Variants in NEMP2 observed in about 807,000 individuals in gnomAD.
NEMP2 encodes nuclear envelope integral membrane protein 2.
In NEMP2, 53 loss-of-function variants were observed where a neutral mutation model predicts 54.2. The ratio of observed to expected loss-of-function variants is 0.98; its 90% CI spans 0.78 to 1.23. The LOEUF (loss-of-function observed/expected upper bound fraction) is 1.23. Ranked by LOEUF, NEMP2 falls within the 50% of genes most tolerant of loss-of-function variation. The probability of loss-of-function intolerance (pLI) is 0.00; values close to 1 mark genes in which losing one functional copy is unlikely to be tolerated. For synonymous variants in NEMP2, 197 were observed against 190.3 expected (o/e 1.04, Z -0.29); for missense variants, 455 against 511.3 (o/e 0.89, Z 1.06).
the NEMP2 span, among the ~76,000 whole-genome samples, chr2:190,595,545 A>G: frequency 6.6e-6 from 1 of 152,206 alleles, no homozygotes; most frequent in Non-Finnish European, 1.5e-5. The surrounding 1 kb of genome is among the most constrained non-coding windows in gnomAD (Gnocchi z 4.0). Flanking sequence ...AAAGAACTTA[A>G]ACAAATTTAC....
the NEMP2 span, among the ~76,000 whole-genome samples, chr2:190,427,272 C>A: frequency 6.6e-6 from 1 of 152,184 alleles, no homozygotes; most frequent in African/African-American, 2.4e-5. Flanking sequence ...TTCTCTGATC[C>A]CACCTTAGTT....
the NEMP2 span, among the ~76,000 whole-genome samples, chr2:190,434,170 G>C: frequency 7.5e-6 from 1 of 132,640 alleles, no homozygotes; most frequent in Non-Finnish European, 1.6e-5. The surrounding 1 kb of genome is among the most constrained non-coding windows in gnomAD (Gnocchi z 4.3). Context: ...GACAGAGTAA[G>C]ACCCTGTCTC....
At chr2:190,484,236 G>A in the NEMP2 span, among the ~76,000 whole-genome samples, 12 of 152,254 alleles carry the variant, frequency 7.9e-5, no homozygotes, top group Admixed American at 2.0e-4. Flanking sequence ...GTAATAGCTT[G>A]TATTTTGACT....
At chr2:190,438,176 TTC>T in the NEMP2 span, among the ~76,000 whole-genome samples, 1 of 150,228 alleles carries the variant, frequency 6.7e-6, no homozygotes. This position sits in a 1 kb window ranked among gnomAD's most constrained non-coding sequence, Gnocchi z 5.2. Context: ...TTGAAAATCT[TTC>T]TTCCACCTAA....
the NEMP2 span, chr2:190,616,863 C>T: frequency 6.6e-6 from 1 of 151,794 alleles, no homozygotes; most frequent in African/African-American, 2.4e-5. The surrounding 1 kb of genome is among the most constrained non-coding windows in gnomAD (Gnocchi z 5.1). Flanking sequence ...AATCCCAGTA[C>T]TTTGCGATGC....
the NEMP2 span, among the ~76,000 whole-genome samples, chr2:190,543,942 CAT>C: frequency 1.8e-4 from 28 of 152,238 alleles, no homozygotes; most frequent in Admixed American, 3.9e-4. This position sits in a 1 kb window ranked among gnomAD's most constrained non-coding sequence, Gnocchi z 4.7. Context: ...AAATTCAGCT[CAT>C]GTGAGAAATT....
At chr2:190,437,593 G>A in the NEMP2 span, 1 of 1,585,054 alleles carries the variant, frequency 6.3e-7, no homozygotes, top group Non-Finnish European at 8.6e-7. This position sits in a 1 kb window ranked among gnomAD's most constrained non-coding sequence, Gnocchi z 5.9. Flanking sequence ...CTGCCCCTCA[G>A]CAATTGAACT....
At chr2:190,559,208 T>G in the NEMP2 span, among the ~76,000 whole-genome samples, 163 of 152,356 alleles carry the variant, frequency 1.1e-3, 1 homozygote, top group African/African-American at 3.8e-3. This position sits in a 1 kb window ranked among gnomAD's most constrained non-coding sequence, Gnocchi z 4.0. Context: ...CTGGCTTGAT[T>G]GAATGGCCAT....
chr2:190,640,111 C>T, the NEMP2 span, among the ~76,000 whole-genome samples: 1 of 152,186 alleles, frequency 6.6e-6, no homozygotes, highest in East Asian at 1.9e-4. Context: ...TTACCCATAA[C>T]ATTATGAGCA....
the NEMP2 span, among the ~76,000 whole-genome samples, chr2:190,479,394 A>AC: frequency 6.6e-6 from 1 of 152,200 alleles, no homozygotes; most frequent in Non-Finnish European, 1.5e-5. Context: ...TAAAAAAGAG[A>AC]CAGGGAGTCT....
the NEMP2 span, among the ~76,000 whole-genome samples, chr2:190,633,687 T>C: frequency 2.0e-5 from 3 of 152,206 alleles, no homozygotes; most frequent in Non-Finnish European, 4.4e-5. Flanking sequence ...TCAGCAAATG[T>C]TTGTTAAAAA....
rs1690159893 is a variant in NEMP2, at chr2:190,505,247, A to C, written c.*3942T>G. ...TAGAATATGAGCCCTGGAAGCAGAC[A>C]TATGGGGGCTTGAATTCTGATTCTA... On this transcript the variant is annotated 3_prime_UTR_variant, in exon 9 of 9. Transcript: ENST00000409150. This position sits in a 1 kb window ranked among gnomAD's most constrained non-coding sequence, Gnocchi z 5.8. 6.6e-6 allele frequency: 1 copy of C among 152,346 alleles called. No individual in the cohort carries two copies. The highest frequency in any genetic ancestry group is 1.5e-5 in the Non-Finnish European group (1 of 68,034). The allele number at this position is 152,346 out of a possible 1,614,324, so 9.4% of individuals were successfully genotyped here. A position where few individuals can be genotyped will look rare whatever the true frequency, so the allele number is the denominator to read the frequency against.
At chr2:190,570,109 T>C in the NEMP2 span, among the ~76,000 whole-genome samples, 18 of 152,334 alleles carry the variant, frequency 1.2e-4, 1 homozygote, top group South Asian at 3.7e-3. This position sits in a 1 kb window ranked among gnomAD's most constrained non-coding sequence, Gnocchi z 5.4. Flanking sequence ...ACAATTATGA[T>C]TGTCTTTGGT....
At chr2:190,482,354 T>C in the NEMP2 span, among the ~76,000 whole-genome samples, 5 of 152,100 alleles carry the variant, frequency 3.3e-5, no homozygotes, top group Admixed American at 1.3e-4. Flanking sequence ...TTAGGAAGAA[T>C]AGTCTCTTAC....
Position 190,525,240 on chromosome 2 carries a change from A to G in NEMP2, c.213+23T>C. 1 of 1,271,874 alleles carries G rather than the reference A, an allele frequency of 7.9e-7. No individual in the cohort carries two copies. The highest frequency in any genetic ancestry group is 2.5e-5 in the East Asian group (1 of 39,582). The allele number at this position is 1,271,874 out of a possible 1,614,324, so 78.8% of individuals were successfully genotyped here. A position where few individuals can be genotyped will look rare whatever the true frequency, so the allele number is the denominator to read the frequency against. On this transcript the variant is annotated intron_variant, in intron 2 of 8. Transcript: ENST00000409150. The surrounding 1 kb of genome is among the most constrained non-coding windows in gnomAD (Gnocchi z 5.0). ...CATGGTAATTCTCTGTCCCTAAGACATGAGTTAAAAGTAGGCCCTTACCTG... is the reference window on the plus strand; with the variant it reads ...CATGGTAATTCTCTGTCCCTAAGACGTGAGTTAAAAGTAGGCCCTTACCTG...
chr2:190,648,321 A>C, the NEMP2 span: 4 of 152,260 alleles, frequency 2.6e-5, no homozygotes, highest in African/African-American at 9.7e-5. Context: ...GGGAGGGGGC[A>C]AGATGGGCGA....
the NEMP2 span, among the ~76,000 whole-genome samples, chr2:190,466,871 G>T: frequency 1.3e-5 from 2 of 152,244 alleles, no homozygotes; most frequent in South Asian, 2.1e-4. Context: ...GAGACCTAAG[G>T]GTCCCAGAAG....
chr2:190,635,475 A>G, the NEMP2 span, among the ~76,000 whole-genome samples: 1 of 152,020 alleles, frequency 6.6e-6, no homozygotes, highest in Non-Finnish European at 1.5e-5. The surrounding 1 kb of genome is among the most constrained non-coding windows in gnomAD (Gnocchi z 4.1). Flanking sequence ...TGGCCTCCCA[A>G]AGTGCTCCCA....
At chr2:190,436,335 G>A in the NEMP2 span, 1 of 1,614,224 alleles carries the variant, frequency 6.2e-7, no homozygotes, top group Non-Finnish European at 8.5e-7. This position sits in a 1 kb window ranked among gnomAD's most constrained non-coding sequence, Gnocchi z 5.3. Flanking sequence ...CTCCAAGCCA[G>A]AGTGGACTAC....
Sources: gnomAD v4.1 joint callset for allele counts (sites outside exome capture counted in the v4.1 genomes callset) on GRCh38, gnomAD v4.1.1 for gene constraint, Gnocchi (gnomAD v3.1) non-coding constraint, MANE v1.5 for transcripts, NCBI Gene and HGNC (gene_info 2026-07-23, HGNC 2026-07-21) for gene names.